The following ZNF732 variants were observed in gnomAD, a reference collection of about 807,000 sequenced individuals.
ZNF732 encodes zinc finger protein 732, also known as zinc finger protein LOC654254.
A neutral mutation model predicts 11.5 loss-of-function variants in ZNF732; 12 were observed. The ratio of observed to expected loss-of-function variants is 1.05; its 90% CI spans 0.67 to 1.70. ZNF732 has a LOEUF of 1.70. Among genes scored for constraint, ZNF732 ranks in the 40% most tolerant of loss-of-function variants. The pLI is 0.00. For missense variants in ZNF732, 702 were observed against 676.9 expected (o/e 1.04, Z -0.41); for synonymous variants, 231 against 236.5 (o/e 0.98, Z 0.21).
Position 271,169 on chromosome 4 carries a change from C to G in ZNF732, c.1688G>C (p.Cys563Ser). The G allele has an allele frequency of 6.4e-7, 1 of 1,553,230 alleles. No homozygotes were observed. The highest frequency in any genetic ancestry group is 8.7e-7 in the Non-Finnish European group (1 of 1,148,064). Reference protein sequence around the residue: ...TGDKTPKCKGCGKAFKWSSYL... With the variant: ...TGDKTPKCKGSGKAFKWSSYL... ...TGAGGACCACTTAAAGGCTTTGCCA[C>G]ATCCTTTACATTTGGGGGTTTTATC... The change falls in exon 4 of 4, where the codon TGT becomes TCT. Residue 563 changes from cysteine to serine, a missense_variant. Cys to Ser is a moderately radical substitution (Grantham distance 112). Coordinates refer to ENST00000419098, the MANE Select transcript of ZNF732 (RefSeq NM_001137608.3).
intron 1 of ZNF732, among the ~76,000 whole-genome samples, chr4:299,521 ATG>A (rs1321436891): frequency 7.6e-6 from 1 of 130,738 alleles, no homozygotes; most frequent in South Asian, 2.2e-4. Flanking sequence ...ATACGTATAT[ATG>A]TGTATATATA....
At chr4:296,177 G>C in intron 1 of ZNF732, 22 bp from the exon 2 acceptor site, 1 of 1,605,396 alleles carries the variant, frequency 6.2e-7, no homozygotes, top group Non-Finnish European at 8.5e-7. Context: ...TATGTATCAA[G>C]TGACAGAGTT....
Position 270,953 on chromosome 4 carries a change from G to T in ZNF732, c.*146C>A. 3.7e-6 allele frequency: 3 copies of T among 811,956 alleles called. No homozygotes were observed. The highest frequency in any genetic ancestry group is 6.2e-6 in the Non-Finnish European group (3 of 481,840). 50.3% of individuals were successfully genotyped at this position (811,956 alleles called of 1,614,324 possible). A position where few individuals can be genotyped will look rare whatever the true frequency, so the allele number is the denominator to read the frequency against. On this transcript the variant is annotated 3_prime_UTR_variant, in exon 4 of 4. Coordinates refer to ENST00000419098, the MANE Select transcript of ZNF732 (RefSeq NM_001137608.3). Reference sequence around the variant, plus strand: ...CATTTGTAGGGTTTTTCTCCAGTATGAATTCTTACTTTCATTCAGGGTTGT... The same window carrying T: ...CATTTGTAGGGTTTTTCTCCAGTATTAATTCTTACTTTCATTCAGGGTTGT...
chr4:270,805 A>G lies in ZNF732; in HGVS notation c.*294T>C. The G allele has an allele frequency of 1.7e-6, 1 of 591,048 alleles. No individual in the cohort carries two copies. Among genetic ancestry groups the G allele is most frequent in the Non-Finnish European group, 3.2e-6 (1 of 315,750 alleles). 36.6% of individuals were successfully genotyped at this position (591,048 alleles called of 1,614,324 possible). A position where few individuals can be genotyped will look rare whatever the true frequency, so the allele number is the denominator to read the frequency against. ...CATATGAATTTTCTTATGTTCACTC[A>G]GGGTTGTGGACCATCTAAAAGCTTT... On this transcript the variant is annotated 3_prime_UTR_variant, in exon 4 of 4. Coordinates refer to ENST00000419098, the MANE Select transcript of ZNF732 (RefSeq NM_001137608.3).
chr4:285,468 G>C (rs1313190867), intron 3 of ZNF732, among the ~76,000 whole-genome samples: 2 of 152,196 alleles, frequency 1.3e-5, no homozygotes, highest in Admixed American at 6.5e-5. Context: ...TCTAGAAGCA[G>C]AGGTGCTCTC....
chr4:277,279 T>C (rs1719516026), intron 3 of ZNF732, among the ~76,000 whole-genome samples: 1 of 151,738 alleles, frequency 6.6e-6, no homozygotes, highest in African/African-American at 2.4e-5. Flanking sequence ...GAAGCAAAAA[T>C]ATGCAAACGG....
chr4:294,628 G>GGC (rs1396843559), intron 3 of ZNF732, among the ~76,000 whole-genome samples: 2 of 151,944 alleles, frequency 1.3e-5, no homozygotes, highest in Non-Finnish European at 2.9e-5. Context: ...TGAATGAGAG[G>GGC]GCTTTTTTGC....
intron 3 of ZNF732, among the ~76,000 whole-genome samples, chr4:275,151 G>C (rs1266624148): frequency 1.3e-5 from 2 of 151,024 alleles, no homozygotes; most frequent in Non-Finnish European, 3.0e-5. Flanking sequence ...TACATGTCAG[G>C]GCACAAAAAA....
At chr4:296,233 C>G in intron 1 of ZNF732, 78 bp from the exon 2 acceptor site, 1 of 1,546,312 alleles carries the variant, frequency 6.5e-7, no homozygotes, top group Non-Finnish European at 8.8e-7. Flanking sequence ...CTAGTTCTGA[C>G]ATGTGACTGA....
intron 1 of ZNF732, among the ~76,000 whole-genome samples, chr4:297,080 C>A (rs1553842502): frequency 2.6e-5 from 4 of 152,034 alleles, no homozygotes; most frequent in Non-Finnish European, 1.5e-5. Flanking sequence ...CCACCCTGGC[C>A]AATATGGTGA....
chr4:304,559 C>T (rs1337848183), intron 1 of ZNF732, among the ~76,000 whole-genome samples: 4 of 136,668 alleles, frequency 2.9e-5, no homozygotes, highest in South Asian at 2.7e-4. Context: ...GCGCTCTTCC[C>T]GCAGCTGCCC....
Position 301,301 on chromosome 4 carries a change from A to T in ZNF732, c.3+4007T>A, listed in dbSNP as rs377482087. 6.2e-4 allele frequency among the ~76,000 whole-genome samples: 94 copies of T among 152,324 alleles called. No homozygotes were observed. In the East Asian group the frequency reaches 0.015, roughly 25 times the overall value. On this transcript the variant is annotated intron_variant, in intron 1 of 3. Transcript: ENST00000419098. ...TAAACTAGTTCAACCATTGTGGAAGACAGTGTGGCGATTCCTCAGGGATCT... is the reference window on the plus strand; with the variant it reads ...TAAACTAGTTCAACCATTGTGGAAGTCAGTGTGGCGATTCCTCAGGGATCT...
intron 3 of ZNF732, among the ~76,000 whole-genome samples, chr4:280,957 C>T (rs536556596): frequency 6.6e-6 from 1 of 152,158 alleles, no homozygotes; most frequent in South Asian, 2.1e-4. Flanking sequence ...CCTGCCCAGA[C>T]ACCCACAGAG....
In ZNF732 at chr4:305,229, A is replaced by C. The variant is rs1328234193; in HGVS notation, c.3+79T>G. ...GCGGCAGCGGAGACTCCGTTCGCAG[A>C]CTCCGTCCCGCCGCCGCCATTTCCC... On this transcript the variant is annotated intron_variant, in intron 1 of 3. Transcript: ENST00000419098. 9.7e-6 allele frequency: 15 copies of C among 1,545,852 alleles called. No homozygotes were observed. In the Admixed American group the frequency reaches 2.8e-4, roughly 29 times the overall value.
At chr4:288,094 T>C (rs1407345772) in intron 3 of ZNF732, among the ~76,000 whole-genome samples, 1 of 152,212 alleles carries the variant, frequency 6.6e-6, no homozygotes, top group Non-Finnish European at 1.5e-5. Flanking sequence ...TCATCTCTTG[T>C]CTATTTGTTA....
chr4:276,279 T>C (rs1581533012), intron 3 of ZNF732, among the ~76,000 whole-genome samples: 1 of 151,856 alleles, frequency 6.6e-6, no homozygotes, highest in Non-Finnish European at 1.5e-5. Context: ...GAGACTCTTA[T>C]ATTGGAAATA....
intron 3 of ZNF732, among the ~76,000 whole-genome samples, chr4:292,048 A>G (rs1719850536): frequency 6.6e-6 from 1 of 152,176 alleles, no homozygotes; most frequent in Non-Finnish European, 1.5e-5. Flanking sequence ...TTCTTACACC[A>G]TACCCCAAAA....
rs1719334883 is a variant in ZNF732 at position 270,827 on chromosome 4, C to T, written c.*272G>A. On this transcript the variant is annotated 3_prime_UTR_variant, in exon 4 of 4. Transcript: ENST00000419098. ...CTCAGGGTTGTGGACCATCTAAAAG[C>T]TTTGCCACATTCTTCACATTTGTAG... 1 of 653,640 alleles carries T rather than the reference C, an allele frequency of 1.5e-6. No homozygotes were observed. Among genetic ancestry groups the T allele is most frequent in the African/African-American group, 1.8e-5 (1 of 55,816 alleles). 40.5% of individuals were successfully genotyped at this position (653,640 alleles called of 1,614,324 possible). A position where few individuals can be genotyped will look rare whatever the true frequency, so the allele number is the denominator to read the frequency against.
intron 3 of ZNF732, among the ~76,000 whole-genome samples, chr4:278,548 C>T (rs191652772): frequency 2.6e-5 from 4 of 152,262 alleles, no homozygotes; most frequent in Admixed American, 2.6e-4. Flanking sequence ...GTTGTGTGAG[C>T]CCCCAGCACT....
Sources: allele counts gnomAD v4.1 joint callset (sites outside exome capture counted in the v4.1 genomes callset), GRCh38; gene constraint gnomAD v4.1.1; transcripts MANE v1.5; gene names NCBI Gene and HGNC (gene_info 2026-07-23, HGNC 2026-07-21).